Variants in DNAJC1 observed in about 807,000 individuals in gnomAD.
The protein encoded by DNAJC1 is DnaJ heat shock protein family (Hsp40) member C1.
A neutral mutation model predicts 76.6 loss-of-function variants in DNAJC1; 58 were observed. The observed-to-expected ratio is 0.76, with a 90% CI of 0.61 to 0.94. DNAJC1 has a LOEUF of 0.94. DNAJC1 is among the 40% of genes least tolerant of loss of function. The pLI is 0.00. For missense variants in DNAJC1, 689 were observed against 677.3 expected, an observed-to-expected ratio of 1.02 and a Z score of -0.19; for synonymous variants, 258 against 267.9, an observed-to-expected ratio of 0.96 and a Z score of 0.36.
At chr10:21,904,397 T>C (rs1836708500) in intron 7 of DNAJC1, 125 bp downstream of exon 7, 2 of 556,236 alleles carry the variant, frequency 3.6e-6, no homozygotes, top group Non-Finnish European at 3.0e-6. Flanking sequence ...GTGACTCCAC[T>C]AGGGAGTGGG....
At position 21,903,525 on chromosome 10, in the gene DNAJC1, T is replaced by C. The variant is rs145818655; in HGVS notation, c.820+997A>G. On this transcript the variant is annotated intron_variant, in intron 7 of 11. Coordinates refer to ENST00000376980, the MANE Select transcript of DNAJC1 (RefSeq NM_022365.4). ...AATTATGTGCTTCTTGAGATGGTGT[T>C]TTACATGGCTAGGTGCTCAGTGGAT... Among the ~76,000 whole-genome samples the C allele has an allele frequency of 1.7e-3, 260 of 152,330 alleles. No homozygotes were observed. In the Middle Eastern group the frequency reaches 0.024, roughly 14 times the overall value.
chr10:21,817,484 T>A (rs1325515433), intron 8 of DNAJC1, among the ~76,000 whole-genome samples: 1 of 152,114 alleles, frequency 6.6e-6, no homozygotes, highest in African/African-American at 2.4e-5. Context: ...AAAAGTTACG[T>A]TCTGTCTTGC....
intron 7 of DNAJC1, among the ~76,000 whole-genome samples, chr10:21,903,038 C>T (rs1745557012): frequency 6.6e-6 from 1 of 152,106 alleles, no homozygotes; most frequent in African/African-American, 2.4e-5. Flanking sequence ...AGTGATTCTC[C>T]TGCCTCAGCT....
chr10:22,003,479 C>T lies in DNAJC1; in HGVS notation c.-45G>A. 1 of 1,324,340 alleles carries T rather than the reference C, an allele frequency of 7.6e-7. No homozygotes were observed. Among genetic ancestry groups the T allele is most frequent in the South Asian group, 2.2e-5 (1 of 46,336 alleles). The allele number at this position is 1,324,340 out of a possible 1,614,324, so 82.0% of individuals were successfully genotyped here. A position where few individuals can be genotyped will look rare whatever the true frequency, so the allele number is the denominator to read the frequency against. On this transcript the variant is annotated 5_prime_UTR_variant, in exon 1 of 12. Transcript: ENST00000376980. ...TCACCCGCCGCGCAGCTCCGTTGGC[C>T]GAGAGCTGGGACGTGGCGGGCGGCG... is the stretch of plus-strand genomic sequence containing the variant.
chr10:21,793,851 G>A (rs1834721516), intron 9 of DNAJC1, among the ~76,000 whole-genome samples: 1 of 152,194 alleles, frequency 6.6e-6, no homozygotes, highest in South Asian at 2.1e-4. Context: ...TACTGGGAAG[G>A]CTGAAGTGGG....
intron 8 of DNAJC1, among the ~76,000 whole-genome samples, chr10:21,807,549 T>C (rs1834898052): frequency 6.6e-6 from 1 of 152,224 alleles, no homozygotes; most frequent in Admixed American, 6.5e-5. Flanking sequence ...TTTGCATTCA[T>C]TTGCAAAGCA....
chr10:21,855,753 A>G (rs1244543514), intron 8 of DNAJC1, among the ~76,000 whole-genome samples: 2 of 152,216 alleles, frequency 1.3e-5, no homozygotes, highest in East Asian at 3.9e-4. Flanking sequence ...CAACACTTCA[A>G]CGTAATCAGT....
Position 21,881,844 on chromosome 10 carries a change from T to TAA in DNAJC1, c.978+436_978+437dup, listed in dbSNP as rs1002377641. 7.5e-3 allele frequency among the ~76,000 whole-genome samples: 417 copies of TAA among 55,380 alleles called. 9 individuals carry two copies. The highest frequency in any genetic ancestry group is 0.019 in the African/African-American group (283 of 15,076). The allele number at this position is 55,380 out of a possible 152,430, so 36.3% of individuals were successfully genotyped here. A position where few individuals can be genotyped will look rare whatever the true frequency, so the allele number is the denominator to read the frequency against. The stretch of plus-strand genomic sequence containing the variant: ...AGGGCTGCCACAAACCCTCAATTTG[T>TAA]AAAAAAAAAAAAAAAAAAAAAAAAA... On this transcript the variant is annotated intron_variant, in intron 8 of 11. Transcript: ENST00000376980.
intron 9 of DNAJC1, among the ~76,000 whole-genome samples, chr10:21,773,821 C>G (rs1350782922): frequency 7.1e-6 from 1 of 140,248 alleles, no homozygotes; most frequent in East Asian, 2.0e-4. Context: ...TTTTTTTTTG[C>G]TATAAAGATT....
chr10:21,931,294 C>CT (rs751018397), intron 1 of DNAJC1, among the ~76,000 whole-genome samples: 27 of 152,198 alleles, frequency 1.8e-4, no homozygotes, highest in Non-Finnish European at 3.5e-4. Flanking sequence ...CAGCTCTCTT[C>CT]TAAGGAACAG....
chr10:21,909,074 G>T (rs1302799750), intron 6 of DNAJC1, among the ~76,000 whole-genome samples: 5 of 152,106 alleles, frequency 3.3e-5, no homozygotes, highest in Non-Finnish European at 5.9e-5. Flanking sequence ...TTTTAGTAGA[G>T]ACGGGGTTTT....
intron 8 of DNAJC1, among the ~76,000 whole-genome samples, chr10:21,833,735 C>G (rs1046922629): frequency 5.3e-5 from 8 of 152,138 alleles, no homozygotes; most frequent in African/African-American, 1.4e-4. Context: ...AGCTAATATT[C>G]AGGACAAAAT....
At chr10:21,798,176 G>T (rs1032400733) in intron 9 of DNAJC1, among the ~76,000 whole-genome samples, 20 of 152,224 alleles carry the variant, frequency 1.3e-4, no homozygotes, top group African/African-American at 4.8e-4. Context: ...ACCACATCCT[G>T]CATCTAATCT....
intron 8 of DNAJC1, among the ~76,000 whole-genome samples, chr10:21,811,472 T>C (rs1349249384): frequency 6.6e-6 from 1 of 152,220 alleles, no homozygotes; most frequent in African/African-American, 2.4e-5. Flanking sequence ...ACAGACTCCT[T>C]AACTGCAGAG....
chr10:21,900,090 C>T (rs1228804638), intron 7 of DNAJC1, among the ~76,000 whole-genome samples: 2 of 152,140 alleles, frequency 1.3e-5, no homozygotes, highest in Non-Finnish European at 2.9e-5. Context: ...CACCTGTAAT[C>T]CCAACACTTT....
intron 7 of DNAJC1, among the ~76,000 whole-genome samples, chr10:21,896,962 GC>G (rs1243333851): frequency 6.6e-6 from 1 of 152,110 alleles, no homozygotes; most frequent in Admixed American, 6.5e-5. Flanking sequence ...ATGTGTTTGT[GC>G]CCTCCGGAGG....
chr10:21,995,771 T>C (rs1838407188), intron 1 of DNAJC1, among the ~76,000 whole-genome samples: 2 of 152,202 alleles, frequency 1.3e-5, no homozygotes, highest in Non-Finnish European at 2.9e-5. Flanking sequence ...TTTCAGTTGC[T>C]GGATGATGTA....
intron 6 of DNAJC1, among the ~76,000 whole-genome samples, chr10:21,912,987 C>CTTTT (rs201161273): frequency 7.4e-6 from 1 of 134,496 alleles, no homozygotes; most frequent in Non-Finnish European, 1.6e-5. Context: ...TCTTAGGCAA[C>CTTTT]TTTTTTTTTT....
At chr10:21,899,725 C>T (rs1175773529) in intron 7 of DNAJC1, among the ~76,000 whole-genome samples, 2 of 152,188 alleles carry the variant, frequency 1.3e-5, no homozygotes, top group African/African-American at 4.8e-5. Context: ...CAGGGACCTA[C>T]TTGAACAAGC....
Sources: gnomAD v4.1 joint callset for allele counts (sites outside exome capture counted in the v4.1 genomes callset) on GRCh38, gnomAD v4.1.1 for gene constraint, MANE v1.5 for transcripts, NCBI Gene and HGNC (gene_info 2026-07-23, HGNC 2026-07-21) for gene names.